ZC3H18: variants seen among roughly 807,000 people sequenced by gnomAD.
ZC3H18 encodes the protein zinc finger CCCH-type containing 18, also known as zinc finger CCCH domain-containing protein 18.
A neutral mutation model predicts 106.1 loss-of-function variants in ZC3H18; 8 were observed. The observed-to-expected ratio is 0.08, with a 90% CI of 0.04 to 0.14. The LOEUF is 0.14. Ranked by LOEUF, ZC3H18 falls within the 10% of genes least tolerant of loss-of-function variation. ZC3H18 has a pLI of 1.00. For missense variants in ZC3H18, 1,318 were observed against 1,278.4 expected, an observed-to-expected ratio of 1.03 and a Z score of -0.47; for synonymous variants, 635 against 522.1, an observed-to-expected ratio of 1.22 and a Z score of -2.95.
At chr16:88,589,915 G>T (rs879665343) in intron 3 of ZC3H18, among the ~76,000 whole-genome samples, 1 of 152,256 alleles carries the variant, frequency 6.6e-6, no homozygotes, top group Non-Finnish European at 1.5e-5. Flanking sequence ...CTGCAAACCA[G>T]TGAATTGTAC....
Position 88,571,012 on chromosome 16 carries a change from T to C in ZC3H18, c.-15+446T>C, listed in dbSNP as rs532048799. Among the ~76,000 whole-genome samples the C allele has an allele frequency of 3.9e-5, 6 of 152,328 alleles. No homozygotes were observed. The East Asian group carries it at 1.2e-3, about 29-fold the overall frequency. ...AGCTCTTTATGAACCTCCTGGAACT[T>C]GCTCCGCAGCTTCAAAGTGTGCACA... On this transcript the variant is annotated intron_variant, in intron 1 of 17. Coordinates refer to ENST00000301011, the MANE Select transcript of ZC3H18 (RefSeq NM_144604.4).
At chr16:88,571,690 C>A (rs1457336349) in intron 1 of ZC3H18, 1 of 984,830 alleles carries the variant, frequency 1.0e-6, no homozygotes, top group African/African-American at 1.7e-5. Flanking sequence ...AACCTATGGC[C>A]TACATCGTGT....
At chr16:88,609,128 A>G (rs1905154392) in intron 7 of ZC3H18, 77 bp downstream of exon 7, 2 of 1,214,314 alleles carry the variant, frequency 1.6e-6, no homozygotes, top group Middle Eastern at 2.5e-4. Flanking sequence ...TTACAGTAAA[A>G]AATACAGGGC....
At chr16:88,576,289 G>A (rs1294623713) in intron 1 of ZC3H18, among the ~76,000 whole-genome samples, 1 of 151,888 alleles carries the variant, frequency 6.6e-6, no homozygotes, top group Non-Finnish European at 1.5e-5. Context: ...TGATCCTCCC[G>A]TTGCAACCTC....
intron 3 of ZC3H18, among the ~76,000 whole-genome samples, chr16:88,596,407 C>T (rs924103715): frequency 1.8e-4 from 27 of 151,768 alleles, no homozygotes; most frequent in African/African-American, 4.8e-4. Flanking sequence ...TTTGGGAGGC[C>T]GAGGCTGGCA....
intron 6 of ZC3H18, among the ~76,000 whole-genome samples, chr16:88,600,559 G>A (rs549502726): frequency 1.3e-5 from 2 of 152,196 alleles, no homozygotes; most frequent in African/African-American, 4.8e-5. Flanking sequence ...AACTACAGGT[G>A]TCTGCTACCA....
chr16:88,585,168 A>G (rs1055912070), intron 2 of ZC3H18, among the ~76,000 whole-genome samples: 1 of 152,230 alleles, frequency 6.6e-6, no homozygotes, highest in Non-Finnish European at 1.5e-5. Flanking sequence ...GTTATGTTTG[A>G]TCATTTCTTT....
intron 8 of ZC3H18, among the ~76,000 whole-genome samples, chr16:88,620,089 C>A (rs965767649): frequency 6.6e-6 from 1 of 152,198 alleles, no homozygotes; most frequent in Non-Finnish European, 1.5e-5. Context: ...GGAGCTGCCC[C>A]CATCCTGCAT....
chr16:88,576,002 G>A (rs1174149622), intron 1 of ZC3H18, among the ~76,000 whole-genome samples: 1 of 152,172 alleles, frequency 6.6e-6, no homozygotes, highest in Non-Finnish European at 1.5e-5. Flanking sequence ...CTGGGTTCAC[G>A]CCTTTCTCCT....
intron 2 of ZC3H18, among the ~76,000 whole-genome samples, chr16:88,584,871 C>T (rs1176253326): frequency 6.6e-6 from 1 of 152,232 alleles, no homozygotes; most frequent in East Asian, 1.9e-4. Flanking sequence ...GGGAAAAACC[C>T]TTCTCACCAC....
At chr16:88,592,027 T>C (rs1915786266) in intron 3 of ZC3H18, among the ~76,000 whole-genome samples, 2 of 152,254 alleles carry the variant, frequency 1.3e-5, no homozygotes, top group Admixed American at 6.5e-5. Context: ...TTTCATCTTT[T>C]GCGGAGCCGC....
At chr16:88,618,302 C>T (rs1597353964) in intron 8 of ZC3H18, among the ~76,000 whole-genome samples, 1 of 152,074 alleles carries the variant, frequency 6.6e-6, no homozygotes, top group Non-Finnish European at 1.5e-5. Flanking sequence ...TAGCTAAATG[C>T]TCCACAGGCA....
intron 3 of ZC3H18, among the ~76,000 whole-genome samples, chr16:88,593,335 A>C (rs1215902284): frequency 6.6e-6 from 1 of 152,252 alleles, no homozygotes; most frequent in Non-Finnish European, 1.5e-5. Context: ...CTAAGTGACT[A>C]GTGGGCAGTT....
intron 8 of ZC3H18, among the ~76,000 whole-genome samples, chr16:88,621,130 C>T (rs1160722031): frequency 3.9e-5 from 6 of 152,304 alleles, no homozygotes; most frequent in East Asian, 3.9e-4. Context: ...CTACAACCTC[C>T]GCCTCCCAGT....
intron 8 of ZC3H18, among the ~76,000 whole-genome samples, chr16:88,611,739 A>T (rs539215240): frequency 1.3e-5 from 2 of 152,350 alleles, no homozygotes; most frequent in East Asian, 1.9e-4. Flanking sequence ...CAAGGCCGTG[A>T]CATCTGCCCT....
Position 88,624,514 on chromosome 16 carries a change from C to G in ZC3H18, c.1899-88C>G, listed in dbSNP as rs1452001449. ...GCGTCACAGGCATGCAGTGTCGTTC[C>G]CCGAGCTGTGGGTCCATTGAAAGGG... On this transcript the variant is annotated intron_variant, in intron 11 of 17. Coordinates refer to ENST00000301011, the MANE Select transcript of ZC3H18 (RefSeq NM_144604.4). The G allele has an allele frequency of 8.8e-6, 14 of 1,596,574 alleles. No homozygotes were observed. The South Asian group carries it at 1.1e-4, about 13-fold the overall frequency.
chr16:88,590,560 A>ATTTTTTTTT (rs1915685593), intron 3 of ZC3H18, among the ~76,000 whole-genome samples: 7 of 24,110 alleles, frequency 2.9e-4, no homozygotes, highest in African/African-American at 5.6e-4. Flanking sequence ...GGGTTTCTTT[A>ATTTTTTTTT]TTTCTTTTTT....
intron 7 of ZC3H18, among the ~76,000 whole-genome samples, chr16:88,610,950 C>T (rs1156574615): frequency 6.6e-6 from 1 of 152,250 alleles, no homozygotes; most frequent in African/African-American, 2.4e-5. Context: ...GATGATTTCA[C>T]TCCTAGTTTG....
chr16:88,594,145 G>A (rs1008073531), intron 3 of ZC3H18, among the ~76,000 whole-genome samples: 19 of 152,128 alleles, frequency 1.2e-4, no homozygotes, highest in South Asian at 4.1e-4. Flanking sequence ...CTTCATGGTC[G>A]ATCGCATGCA....
Sources: allele counts gnomAD v4.1 joint callset (sites outside exome capture counted in the v4.1 genomes callset), GRCh38; gene constraint gnomAD v4.1.1; transcripts MANE v1.5; gene names NCBI Gene and HGNC (gene_info 2026-07-23, HGNC 2026-07-21).